Variants in EBF2 observed in about 807,000 individuals in gnomAD.
EBF2 encodes the protein EBF transcription factor 2, also known as transcription factor COE2.
A neutral mutation model predicts 72.8 loss-of-function variants in EBF2; 21 were observed. The ratio of observed to expected loss-of-function variants is 0.29; its 90% CI spans 0.20 to 0.42. The LOEUF (loss-of-function observed/expected upper bound fraction) is 0.42. Among genes scored for constraint, EBF2 ranks in the 10% least tolerant of loss-of-function variants. The pLI, the probability that EBF2 is intolerant of heterozygous loss-of-function variation, is 1.00. For missense variants in EBF2, 637 were observed against 731.2 expected (o/e 0.87, Z 1.49); for synonymous variants, 299 against 274.2 (o/e 1.09, Z -0.89).
intron 6 of EBF2, among the ~76,000 whole-genome samples, chr8:26,005,518 A>AATATAAT (rs1563206026): frequency 9.5e-5 from 1 of 10,508 alleles, no homozygotes; most frequent in Non-Finnish European, 1.5e-4. Flanking sequence ...TATATTATAA[A>AATATAAT]ATATATTATA....
chr8:25,987,745 C>T (rs758671754), intron 6 of EBF2, among the ~76,000 whole-genome samples: 18 of 152,088 alleles, frequency 1.2e-4, no homozygotes, highest in Non-Finnish European at 2.2e-4. Context: ...CATAAGAACC[C>T]ACCCCCATTC....
intron 6 of EBF2, among the ~76,000 whole-genome samples, chr8:26,014,458 A>G (rs1318920070): frequency 6.6e-6 from 1 of 152,224 alleles, no homozygotes. Context: ...AATCAAAGTT[A>G]AGTTTAAATA....
chr8:25,860,968 A>C, intron 13 of EBF2, 81 bp downstream of exon 13: 1 of 1,516,812 alleles, frequency 6.6e-7, no homozygotes, highest in Non-Finnish European at 9.1e-7. Flanking sequence ...GACCATTATG[A>C]CCCAACCTCT....
chr8:25,973,666 T>C (rs1421889613), intron 6 of EBF2, among the ~76,000 whole-genome samples: 1 of 152,088 alleles, frequency 6.6e-6, no homozygotes, highest in Non-Finnish European at 1.5e-5. Context: ...GCTAGTCTGT[T>C]TTTCTTTTGT....
At chr8:25,999,616 T>G (rs1464894520) in intron 6 of EBF2, among the ~76,000 whole-genome samples, 1 of 151,794 alleles carries the variant, frequency 6.6e-6, no homozygotes, top group African/African-American at 2.4e-5. Flanking sequence ...TTCATGTTTT[T>G]ACTCTGGATC....
At chr8:25,932,104 G>A (rs1803491818) in intron 6 of EBF2, among the ~76,000 whole-genome samples, 1 of 152,112 alleles carries the variant, frequency 6.6e-6, no homozygotes, top group South Asian at 2.1e-4. Context: ...AATGTATGAT[G>A]TAGTGGAACA....
At chr8:25,942,501 C>T (rs540985128) in intron 6 of EBF2, among the ~76,000 whole-genome samples, 4 of 152,182 alleles carry the variant, frequency 2.6e-5, no homozygotes, top group Admixed American at 6.5e-5. Context: ...ACAATGTCCC[C>T]TTGGGGCCTA....
At chr8:25,939,692 A>G (rs1445922105) in intron 6 of EBF2, among the ~76,000 whole-genome samples, 1 of 152,206 alleles carries the variant, frequency 6.6e-6, no homozygotes, top group Non-Finnish European at 1.5e-5. Context: ...GTGTCCCTCT[A>G]TGTGACCAGG....
Position 26,044,161 on chromosome 8 carries a change from TC to T in EBF2, c.131+567del, listed in dbSNP as rs906302672. Among the ~76,000 whole-genome samples the T allele has an allele frequency of 3.3e-5, 5 of 152,180 alleles. No individual in the cohort carries two copies. Among genetic ancestry groups the T allele is most frequent in the African/African-American group, 1.2e-4 (5 of 41,460 alleles). ...CTTTGAGCCGGGACCCTCCAGCCTG[TC>T]CCCCCTCCCAGAGCTCCCGGCCGCC... On this transcript the variant is annotated intron_variant, in intron 1 of 15. Transcript: ENST00000520164. The surrounding 1 kb of genome is among the most constrained non-coding windows in gnomAD (Gnocchi z 4.1).
intron 5 of EBF2, among the ~76,000 whole-genome samples, chr8:26,038,620 C>A (rs543166673): frequency 1.3e-5 from 2 of 152,284 alleles, no homozygotes; most frequent in South Asian, 4.1e-4. Flanking sequence ...CTATTTAAAT[C>A]TAGGTATTAT....
At chr8:25,849,599 G>A (rs1338896704) in intron 15 of EBF2, among the ~76,000 whole-genome samples, 2 of 152,006 alleles carry the variant, frequency 1.3e-5, no homozygotes, top group East Asian at 3.9e-4. Context: ...TAAAAATAAT[G>A]TGGGTTGCCA....
chr8:25,921,885 G>A (rs1803309916), intron 6 of EBF2, among the ~76,000 whole-genome samples: 1 of 152,170 alleles, frequency 6.6e-6, no homozygotes, highest in Non-Finnish European at 1.5e-5. Context: ...TTGAGAACAG[G>A]CGCAGCCCCT....
chr8:26,038,428 A>C (rs565916349), intron 5 of EBF2, among the ~76,000 whole-genome samples: 1 of 152,318 alleles, frequency 6.6e-6, no homozygotes, highest in African/African-American at 2.4e-5. Flanking sequence ...GGGCTTAAAA[A>C]TAAAAATGTC....
At chr8:25,947,824 G>T (rs1481990276) in intron 6 of EBF2, among the ~76,000 whole-genome samples, 1 of 152,208 alleles carries the variant, frequency 6.6e-6, no homozygotes, top group Non-Finnish European at 1.5e-5. Context: ...AAATTACCCA[G>T]GATTCTACTT....
At chr8:25,863,824 CAT>C (rs1163514187) in intron 10 of EBF2, among the ~76,000 whole-genome samples, 1 of 152,186 alleles carries the variant, frequency 6.6e-6, no homozygotes, top group African/African-American at 2.4e-5. Flanking sequence ...ACATTTTTTG[CAT>C]ATGTCTTTCC....
intron 15 of EBF2, 30 bp from the exon 16 acceptor site, chr8:25,844,670 A>G: frequency 6.2e-7 from 1 of 1,613,856 alleles, no homozygotes; most frequent in Non-Finnish European, 8.5e-7. Flanking sequence ...CAGGAATGAG[A>G]CTTGGGGACT....
chr8:25,924,690 G>T (rs1431816250), intron 6 of EBF2, among the ~76,000 whole-genome samples: 1 of 152,160 alleles, frequency 6.6e-6, no homozygotes, highest in African/African-American at 2.4e-5. Context: ...AGCTTTGTTC[G>T]CAGAGAAAAC....
At chr8:25,891,272 T>C (rs1325408991) in intron 7 of EBF2, among the ~76,000 whole-genome samples, 2 of 151,194 alleles carry the variant, frequency 1.3e-5, no homozygotes, top group Non-Finnish European at 2.9e-5. Flanking sequence ...CAGAAGGGAG[T>C]GGACCTGGGT....
At chr8:26,033,179 T>G (rs372886250) in intron 5 of EBF2, 26 bp from the exon 6 acceptor site, 60 of 1,609,144 alleles carry the variant, frequency 3.7e-5, no homozygotes, top group Non-Finnish European at 4.0e-5. Context: ...GAACCAAGAG[T>G]GAAAGAAATT....
Sources: allele counts gnomAD v4.1 joint callset (sites outside exome capture counted in the v4.1 genomes callset), GRCh38; gene constraint gnomAD v4.1.1; non-coding constraint Gnocchi (gnomAD v3.1); transcripts MANE v1.5; gene names NCBI Gene and HGNC (gene_info 2026-07-23, HGNC 2026-07-21).